NR2C2: variants seen among roughly 807,000 people sequenced by gnomAD.
NR2C2 encodes the protein nuclear receptor subfamily 2 group C member 2, also known as Nuclear hormone receptor TR4.
In NR2C2, 6 loss-of-function variants were observed where a neutral mutation model predicts 62.9. That is an observed-to-expected ratio of 0.10 (90% CI 0.05 to 0.19). The LOEUF (loss-of-function observed/expected upper bound fraction) is 0.19. Ranked by LOEUF, NR2C2 falls within the 10% of genes least tolerant of loss-of-function variation. The pLI is 1.00. For missense variants in NR2C2, 479 were observed against 762.7 expected (o/e 0.63, Z 4.38); for synonymous variants, 272 against 273.8 (o/e 0.99, Z 0.07).
At chr3:14,978,542 A>C (rs143599797) in intron 1 of NR2C2, among the ~76,000 whole-genome samples, 3 of 152,324 alleles carry the variant, frequency 2.0e-5, no homozygotes, top group African/African-American at 7.2e-5. Context: ...CTGTTCGTCC[A>C]TAGGTTTCCT....
intron 1 of NR2C2, among the ~76,000 whole-genome samples, chr3:14,955,499 C>A (rs925136385): frequency 6.6e-6 from 1 of 151,660 alleles, no homozygotes; most frequent in African/African-American, 2.4e-5. Context: ...GCACTGTGAT[C>A]TAGAGGGAAT....
chr3:15,010,340 A>T (rs2041313904), intron 2 of NR2C2, among the ~76,000 whole-genome samples: 1 of 150,152 alleles, frequency 6.7e-6, no homozygotes, highest in South Asian at 2.1e-4. Flanking sequence ...CGGATGTCTT[A>T]GGAGGGTGAA....
Position 15,045,258 on chromosome 3 carries a change from A to G in NR2C2, c.*2250A>G, listed in dbSNP as rs976724635. ...GTTGCAGTTCCCTGGGAATACAAGC[A>G]TAACAGCTTTCAGATCCCAGTTCTT... On this transcript the variant is annotated 3_prime_UTR_variant, in exon 14 of 14. Transcript: ENST00000425241. 3 of 152,232 alleles carry G rather than the reference A, an allele frequency of 2.0e-5. No individual in the cohort carries two copies. The highest frequency in any genetic ancestry group is 7.2e-5 in the African/African-American group (3 of 41,460). The allele number at this position is 152,232 out of a possible 1,614,324, so 9.4% of individuals were successfully genotyped here.
intron 1 of NR2C2, among the ~76,000 whole-genome samples, chr3:14,952,439 G>A (rs2039394433): frequency 6.6e-6 from 1 of 152,130 alleles, no homozygotes; most frequent in Non-Finnish European, 1.5e-5. Flanking sequence ...ACCATCTCCT[G>A]TACAAGTATC....
At chr3:15,021,125 CTG>C (rs980386381) in intron 5 of NR2C2, among the ~76,000 whole-genome samples, 193 bp downstream of exon 5, 1 of 152,146 alleles carries the variant, frequency 6.6e-6, no homozygotes, top group Non-Finnish European at 1.5e-5. Context: ...TCTCTTCCTG[CTG>C]TGTGTGTGGA....
chr3:15,037,965 C>G, intron 11 of NR2C2, 35 bp from the exon 12 acceptor site: 1 of 1,594,872 alleles, frequency 6.3e-7, no homozygotes, highest in Non-Finnish European at 8.5e-7. Flanking sequence ...TTGTTCTTAC[C>G]AGCCTTTCTC....
intron 1 of NR2C2, among the ~76,000 whole-genome samples, chr3:14,986,523 T>C (rs1259858437): frequency 6.6e-6 from 1 of 152,200 alleles, no homozygotes; most frequent in African/African-American, 2.4e-5. Flanking sequence ...AAAAGATCCA[T>C]ACCTTATGTG....
At chr3:14,968,102 C>T (rs1169531910) in intron 1 of NR2C2, among the ~76,000 whole-genome samples, 1 of 152,168 alleles carries the variant, frequency 6.6e-6, no homozygotes, top group Non-Finnish European at 1.5e-5. Flanking sequence ...TCTAAAACTC[C>T]AAAAGCAATG....
At chr3:14,978,871 A>G (rs1474179975) in intron 1 of NR2C2, among the ~76,000 whole-genome samples, 1 of 152,148 alleles carries the variant, frequency 6.6e-6, no homozygotes, top group Non-Finnish European at 1.5e-5. Flanking sequence ...CTGCAGTGAT[A>G]TGAGAGGTGG....
intron 7 of NR2C2, among the ~76,000 whole-genome samples, chr3:15,028,228 C>T (rs2041877039): frequency 6.6e-6 from 1 of 152,210 alleles, no homozygotes; most frequent in African/African-American, 2.4e-5. Flanking sequence ...GACATTCTGG[C>T]TACTAAACCA....
intron 12 of NR2C2, chr3:15,038,377 G>A (rs2042161866): frequency 1.1e-5 from 4 of 361,178 alleles, no homozygotes; most frequent in Non-Finnish European, 2.0e-5. Context: ...GATTTAATCT[G>A]TGTCCTAATT....
At chr3:15,035,959 C>T (rs1348037715) in intron 11 of NR2C2, among the ~76,000 whole-genome samples, 1 of 152,160 alleles carries the variant, frequency 6.6e-6, no homozygotes, top group Non-Finnish European at 1.5e-5. Flanking sequence ...ACCTGGGAGG[C>T]GGAGGTTGCA....
intron 9 of NR2C2, among the ~76,000 whole-genome samples, chr3:15,031,710 C>A (rs1481608216): frequency 6.6e-6 from 1 of 151,920 alleles, no homozygotes; most frequent in Non-Finnish European, 1.5e-5. Context: ...GCCTGCTAGT[C>A]CATGAAGTTG....
intron 1 of NR2C2, among the ~76,000 whole-genome samples, chr3:14,966,568 A>G (rs944498902): frequency 6.6e-6 from 1 of 152,230 alleles, no homozygotes; most frequent in Non-Finnish European, 1.5e-5. Context: ...AGCCTGGATG[A>G]CAGAGTGAGA....
chr3:15,026,021 TTTTC>T (rs1575023385), intron 7 of NR2C2: 1 of 150,942 alleles, frequency 6.6e-6, no homozygotes. Flanking sequence ...TTCTTTTTCT[TTTTC>T]TTTTTTTTTT....
chr3:15,030,758 G>A (rs2041960769), intron 9 of NR2C2, among the ~76,000 whole-genome samples: 1 of 152,162 alleles, frequency 6.6e-6, no homozygotes, highest in South Asian at 2.1e-4. Context: ...AACCTGGGAG[G>A]CAGAGGTTGC....
intron 6 of NR2C2, among the ~76,000 whole-genome samples, chr3:15,023,801 A>G (rs62240389): frequency 0.072 from 10,972 of 152,264 alleles, 434 homozygotes; most frequent in Middle Eastern, 0.099. Flanking sequence ...GGAGTTGAGG[A>G]TGCCTTGCTG....
chr3:15,002,644 A>ATTTT (rs2041045500), intron 1 of NR2C2, among the ~76,000 whole-genome samples: 1 of 49,432 alleles, frequency 2.0e-5, no homozygotes, highest in Non-Finnish European at 4.3e-5. Flanking sequence ...TTCACAATAT[A>ATTTT]CTTTTTTTTT....
intron 12 of NR2C2, 148 bp from the exon 13 acceptor site, chr3:15,038,974 C>T: frequency 1.6e-6 from 1 of 644,972 alleles, no homozygotes; most frequent in South Asian, 2.0e-5. Flanking sequence ...AGCCAGTGTT[C>T]TAATAATACC....
Sources: allele counts gnomAD v4.1 joint callset (sites outside exome capture counted in the v4.1 genomes callset), GRCh38; gene constraint gnomAD v4.1.1; transcripts MANE v1.5; gene names NCBI Gene and HGNC (gene_info 2026-07-23, HGNC 2026-07-21).